RALYL: variants seen among roughly 807,000 people sequenced by gnomAD.
The protein encoded by RALYL is RALY RNA binding protein like, also known as RNA-binding Raly-like protein.
In RALYL, 29 loss-of-function variants were observed where a neutral mutation model predicts 35.1. The observed-to-expected ratio is 0.83, with a 90% confidence interval of 0.61 to 1.13. The LOEUF (loss-of-function observed/expected upper bound fraction) is 1.13. Among genes scored for constraint, RALYL ranks in the 50% most tolerant of loss-of-function variants. The pLI, the probability that RALYL is intolerant of heterozygous loss-of-function variation, is 0.00. For missense variants in RALYL, 359 were observed against 360.4 expected, an observed-to-expected ratio of 1.00 and a Z score of 0.03; for synonymous variants, 120 against 127.6, an observed-to-expected ratio of 0.94 and a Z score of 0.40.
chr8:84,693,787 C>T (rs1838568270), intron 2 of RALYL, among the ~76,000 whole-genome samples: 1 of 151,510 alleles, frequency 6.6e-6, no homozygotes, highest in Non-Finnish European at 1.5e-5. Context: ...GGAATTTATC[C>T]CTGGGATATA....
At chr8:84,409,720 G>A (rs961204598) in intron 1 of RALYL, among the ~76,000 whole-genome samples, 3 of 151,832 alleles carry the variant, frequency 2.0e-5, no homozygotes, top group Admixed American at 6.6e-5. Flanking sequence ...AAAACAATAC[G>A]TACTTCAACT....
At chr8:84,762,298 T>C (rs984618778) in intron 2 of RALYL, among the ~76,000 whole-genome samples, 3 of 152,224 alleles carry the variant, frequency 2.0e-5, no homozygotes, top group African/African-American at 7.2e-5. Context: ...GGCTTTGTTA[T>C]TAAATATCAT....
rs34104122 is a variant in RALYL, at chr8:84,522,249, A to ATTT, written c.-23-7034_-23-7032dup. The stretch of plus-strand genomic sequence containing the variant: ...TTATACACAAAATGATAGAAAGGAA[A>ATTT]TTTTTTTTTTTTTTTTTTGAGATGG... On this transcript the variant is annotated intron_variant, in intron 1 of 8. Coordinates refer to ENST00000521268, the MANE Select transcript of RALYL (RefSeq NM_173848.7). Among the ~76,000 whole-genome samples the ATTT allele has an allele frequency of 6.7e-3, 894 of 133,858 alleles. 14 individuals carry two copies. The highest frequency in any genetic ancestry group is 0.022 in the African/African-American group (795 of 35,842). 87.8% of individuals were successfully genotyped at this position (133,858 alleles called of 152,430 possible).
chr8:84,183,850 T>C lies in RALYL; in HGVS notation c.-598T>C, dbSNP rs1470569222. Reference sequence around the variant, plus strand: ...TCCCAAGTCCAGCAAAATGTGCAACTGGTTTTATGGAAAAAGCGATGTGAA... The same window carrying C: ...TCCCAAGTCCAGCAAAATGTGCAACCGGTTTTATGGAAAAAGCGATGTGAA... On this transcript the variant is annotated 5_prime_UTR_variant, in exon 1 of 9. Transcript: ENST00000521268. The C allele has an allele frequency of 6.6e-6, 1 of 152,640 alleles. No individual in the cohort carries two copies. Among genetic ancestry groups the C allele is most frequent in the Non-Finnish European group, 1.5e-5 (1 of 68,048 alleles). The allele number at this position is 152,640 out of a possible 1,614,324, so 9.5% of individuals were successfully genotyped here.
At chr8:84,778,153 G>A (rs531409383) in intron 3 of RALYL, among the ~76,000 whole-genome samples, 1 of 152,276 alleles carries the variant, frequency 6.6e-6, no homozygotes, top group South Asian at 2.1e-4. Context: ...TATGAAGGTA[G>A]TCTCTGATTT....
chr8:84,311,455 C>T (rs566132609), intron 1 of RALYL, among the ~76,000 whole-genome samples: 1 of 152,118 alleles, frequency 6.6e-6, no homozygotes, highest in East Asian at 1.9e-4. Flanking sequence ...TCATAAATGA[C>T]AATGTTTAAA....
At chr8:84,442,571 A>G (rs1043492501) in intron 1 of RALYL, among the ~76,000 whole-genome samples, 1 of 152,060 alleles carries the variant, frequency 6.6e-6, no homozygotes, top group African/African-American at 2.4e-5. Flanking sequence ...TTTCCATGAG[A>G]GCTCCTCTGG....
Position 84,873,357 on chromosome 8 carries a change from G to T in RALYL, c.645G>T (p.Gly215=). 1 of 1,601,510 alleles carries T rather than the reference G, an allele frequency of 6.2e-7. No individual in the cohort carries two copies. Among genetic ancestry groups the T allele is most frequent in the Non-Finnish European group, 8.5e-7 (1 of 1,173,850 alleles). The stretch of plus-strand genomic sequence containing the variant: ...AAACTAAAATTGACTCCTTGCTAGG[G>T]CGCCTGGAGAAGATTGAGAAACAGC... The part of the protein sequence containing the change: ...QIKTKIDSLL[G]RLEKIEKQQK... The change falls in exon 7 of 9, where the codon GGG becomes GGT. Residue 215 remains glycine (G), a synonymous_variant. Transcript: ENST00000521268.
intron 1 of RALYL, among the ~76,000 whole-genome samples, chr8:84,274,580 A>T (rs1284807598): frequency 6.6e-6 from 1 of 152,172 alleles, no homozygotes; most frequent in African/African-American, 2.4e-5. Context: ...AATCAAAAAC[A>T]TTTAAATAAA....
At chr8:84,853,602 ATTG>A (rs1259766509) in intron 5 of RALYL, among the ~76,000 whole-genome samples, 11 of 152,216 alleles carry the variant, frequency 7.2e-5, no homozygotes, top group African/African-American at 2.4e-4. Context: ...GTATGGTTGT[ATTG>A]TTAACAGACT....
Position 84,598,273 on chromosome 8 carries a change from A to G in RALYL, c.256+68696A>G, listed in dbSNP as rs945228109. 5.9e-5 allele frequency among the ~76,000 whole-genome samples: 9 copies of G among 152,156 alleles called. No homozygotes were observed. In the East Asian group the frequency reaches 1.5e-3, roughly 26 times the overall value. On this transcript the variant is annotated intron_variant, in intron 2 of 8. Coordinates refer to ENST00000521268, the MANE Select transcript of RALYL (RefSeq NM_173848.7). ...AGCCTTGAACTCCTGAGCTGAAGCA[A>G]TCCTCCTGCCTTAGCCTCCCGCTAC...
chr8:84,194,204 G>A (rs751687856), intron 1 of RALYL, among the ~76,000 whole-genome samples: 6 of 152,180 alleles, frequency 3.9e-5, no homozygotes, highest in Non-Finnish European at 7.4e-5. Context: ...GTGAAGCTGA[G>A]TATTAAAAGT....
At chr8:84,469,720 AG>A (rs2052396309) in intron 1 of RALYL, among the ~76,000 whole-genome samples, 3 of 152,278 alleles carry the variant, frequency 2.0e-5, no homozygotes, top group Admixed American at 2.0e-4. Context: ...GGGCAATGGC[AG>A]GCGCCCCTCC....
rs140112299 is a variant in RALYL, at chr8:84,305,407, G to A, written c.-24+120983G>A. ...TAAGAAACAATATGTTCAGGAATTG[G>A]AGGATATTAAAAAACAGTTATCTTA... On this transcript the variant is annotated intron_variant, in intron 1 of 8. Transcript: ENST00000521268. 7.7e-3 allele frequency among the ~76,000 whole-genome samples: 1,179 copies of A among 152,248 alleles called. 20 individuals are homozygous for A. Among genetic ancestry groups the A allele is most frequent in the African/African-American group, 0.027 (1,134 of 41,546 alleles).
At chr8:84,758,363 T>C (rs1256250007) in intron 2 of RALYL, among the ~76,000 whole-genome samples, 1 of 152,218 alleles carries the variant, frequency 6.6e-6, no homozygotes, top group Non-Finnish European at 1.5e-5. Flanking sequence ...GCATGAGTTA[T>C]CTATTGCTGC....
intron 8 of RALYL, among the ~76,000 whole-genome samples, chr8:84,894,310 C>T (rs573308828): frequency 6.6e-6 from 1 of 152,304 alleles, no homozygotes; most frequent in African/African-American, 2.4e-5. Context: ...CAAACAAGAA[C>T]TGTGAGACAT....
intron 1 of RALYL, among the ~76,000 whole-genome samples, chr8:84,457,784 C>T (rs2050308794): frequency 6.6e-6 from 1 of 151,766 alleles, no homozygotes; most frequent in Non-Finnish European, 1.5e-5. Flanking sequence ...TTGCTCTAAA[C>T]CTTAAGTCAG....
At chr8:84,353,486 T>C (rs1358829200) in intron 1 of RALYL, among the ~76,000 whole-genome samples, 1 of 150,464 alleles carries the variant, frequency 6.6e-6, no homozygotes, top group Non-Finnish European at 1.5e-5. Flanking sequence ...CTTCGTAAAA[T>C]TCATCCCTTC....
At chr8:84,869,911 C>T (rs1324098333) in intron 6 of RALYL, among the ~76,000 whole-genome samples, 1 of 152,112 alleles carries the variant, frequency 6.6e-6, no homozygotes, top group Non-Finnish European at 1.5e-5. Flanking sequence ...CAGCAGAAGG[C>T]ACAATCATTT....
Sources: allele counts gnomAD v4.1 joint callset (sites outside exome capture counted in the v4.1 genomes callset), GRCh38; gene constraint gnomAD v4.1.1; transcripts MANE v1.5; gene names NCBI Gene and HGNC (gene_info 2026-07-23, HGNC 2026-07-21).